Variants in UBE2C observed in about 807,000 individuals in gnomAD.
UBE2C encodes the protein ubiquitin-conjugating enzyme E2 C.
A neutral mutation model predicts 23.5 loss-of-function variants in UBE2C; 16 were observed. The observed-to-expected ratio is 0.68, with a 90% confidence interval of 0.46 to 1.03. UBE2C has a LOEUF of 1.03. Ranked by LOEUF, UBE2C falls within the 50% of genes least tolerant of loss-of-function variation. UBE2C has a pLI of 0.00. For synonymous variants in UBE2C, 76 were observed against 91.6 expected (o/e 0.83, Z 0.97); for missense variants, 192 against 227.6 (o/e 0.84, Z 1.01).
rs1193605414 is a variant in UBE2C at position 45,816,888 on chromosome 20, GT to G, written c.*122del. ...GCTGTGGTATTTTTGTTTTGTTTTT[GT>G]CTTTTAAATTAAGCCTCGGTTGAGC... On this transcript the variant is annotated 3_prime_UTR_variant, in exon 6 of 6. Coordinates refer to ENST00000356455, the MANE Select transcript of UBE2C (RefSeq NM_007019.4). 119 of 873,072 alleles carry G rather than the reference GT, an allele frequency of 1.4e-4. No homozygotes were observed. The highest frequency in any genetic ancestry group is 1.8e-4 in the Non-Finnish European group (105 of 584,116). The allele number at this position is 873,072 out of a possible 1,614,324, so 54.1% of individuals were successfully genotyped here. A position where few individuals can be genotyped will look rare whatever the true frequency, so the allele number is the denominator to read the frequency against.
chr20:45,812,852 C>G, intron 1 of UBE2C, 56 bp downstream of exon 1: 2 of 1,509,954 alleles, frequency 1.3e-6, no homozygotes, highest in Non-Finnish European at 1.8e-6. Context: ...CATTGGTACC[C>G]AGAGCAAAGA....
intron 1 of UBE2C, 78 bp downstream of exon 1, chr20:45,812,874 AC>A: frequency 6.1e-6 from 9 of 1,467,694 alleles, no homozygotes; most frequent in Admixed American, 2.4e-5. Context: ...TTCTAGGACC[AC>A]CCCCCGCCGC....
At chr20:45,814,721 A>G (rs1383986659) in intron 3 of UBE2C, among the ~76,000 whole-genome samples, 1 of 152,276 alleles carries the variant, frequency 6.6e-6, no homozygotes, top group Non-Finnish European at 1.5e-5. Flanking sequence ...ACTTTGGCCA[A>G]TAGGGCCAGA....
intron 2 of UBE2C, 113 bp from the exon 3 acceptor site, chr20:45,814,271 C>CAT (rs3080107): frequency 0.026 from 10,322 of 390,098 alleles, 684 homozygotes; most frequent in African/African-American, 0.14. Flanking sequence ...TGTATGTGAG[C>CAT]ATATATATAT....
chr20:45,814,932 G>A (rs921552723), intron 3 of UBE2C, among the ~76,000 whole-genome samples: 4 of 106,880 alleles, frequency 3.7e-5, no homozygotes, highest in Admixed American at 9.1e-5. Flanking sequence ...TCCGCTTCCC[G>A]GGTTCACGCC....
chr20:45,813,500 T>A (rs762229161), intron 2 of UBE2C, 36 bp downstream of exon 2: 3 of 1,614,028 alleles, frequency 1.9e-6, no homozygotes, highest in Non-Finnish European at 2.5e-6. Context: ...CAGCCTTCCA[T>A]CCAATTTTCA....
At chr20:45,816,285 CCCTCCTCCA>C (rs1442538595) in intron 5 of UBE2C, among the ~76,000 whole-genome samples, 2 of 152,186 alleles carry the variant, frequency 1.3e-5, no homozygotes, top group African/African-American at 2.4e-5. Flanking sequence ...GGAAACCAGC[CCCTCCTCCA>C]CCTCCTCCGA....
chr20:45,815,599 A>G lies in UBE2C; in HGVS notation c.275A>G (p.Asn92Ser), dbSNP rs758135325. Residue 92 changes from asparagine to serine, a missense_variant, in exon 4 of 6, where the codon AAT becomes AGT. Asn to Ser is a conservative substitution (Grantham distance 46). Coordinates refer to ENST00000356455, the MANE Select transcript of UBE2C (RefSeq NM_007019.4). ...SLEFPSGYPYNAPTVKFLTPC... is the reference protein window; with the variant it reads ...SLEFPSGYPYSAPTVKFLTPC... ...GAGTTCCCCAGTGGCTACCCTTACA[A>G]TGCGCCCACAGTGAAGTTCCTCACG... is the stretch of plus-strand genomic sequence containing the variant. The G allele has an allele frequency of 9.3e-6, 15 of 1,613,926 alleles. No homozygotes were observed. Among genetic ancestry groups the G allele is most frequent in the African/African-American group, 2.7e-5 (2 of 74,874 alleles).
At position 45,816,769 on chromosome 20, in the gene UBE2C, C is replaced by T. The variant is rs781461068; in HGVS notation, c.*2C>T. 9 of 1,612,880 alleles carry T rather than the reference C, an allele frequency of 5.6e-6. No homozygotes were observed. Among genetic ancestry groups the T allele is most frequent in the Non-Finnish European group, 1.7e-6 (2 of 1,179,520 alleles). The stretch of plus-strand genomic sequence containing the variant: ...CAGGTCACCAGCCAGGAGCCCTGAC[C>T]CAGGCTGCCCAGCCTGTCCTTGTGT... On this transcript the variant is annotated 3_prime_UTR_variant, in exon 6 of 6. Transcript: ENST00000356455.
At chr20:45,813,961 C>T (rs1982184510) in intron 2 of UBE2C, among the ~76,000 whole-genome samples, 1 of 151,754 alleles carries the variant, frequency 6.6e-6, no homozygotes, top group Non-Finnish European at 1.5e-5. Flanking sequence ...AAAAATTATC[C>T]AGGCATGGTG....
chr20:45,815,489 G>T (rs201934862), intron 3 of UBE2C, 52 bp from the exon 4 acceptor site: 2 of 1,614,164 alleles, frequency 1.2e-6, no homozygotes, highest in African/African-American at 2.7e-5. Context: ...CTTGGGTTGG[G>T]ACATGAGGCT....
chr20:45,814,165 AAT>A (rs1167275770), intron 2 of UBE2C, among the ~76,000 whole-genome samples: 2 of 142,446 alleles, frequency 1.4e-5, no homozygotes, highest in Non-Finnish European at 3.0e-5. Flanking sequence ...TATATATGTA[AAT>A]ATATATTTTT....
At chr20:45,813,007 G>T in intron 1 of UBE2C, 2 of 1,429,200 alleles carry the variant, frequency 1.4e-6, no homozygotes, top group Non-Finnish European at 1.8e-6. Flanking sequence ...CCTTGCGCGG[G>T]TGAGATTCGA....
intron 2 of UBE2C, among the ~76,000 whole-genome samples, chr20:45,814,128 A>ATC (rs10644383): frequency 0.51 from 72,398 of 140,776 alleles, 21,888 homozygotes; most frequent in Non-Finnish European, 0.67. Flanking sequence ...CTCTCTCTCA[A>ATC]TCTCTCTCTC....
chr20:45,813,076 G>A, intron 1 of UBE2C: 1 of 1,404,834 alleles, frequency 7.1e-7, no homozygotes, highest in South Asian at 1.6e-5. Context: ...GAAGGAGAAT[G>A]GGAGGGTAGG....
At chr20:45,813,098 A>ACTC in intron 1 of UBE2C, 1 of 1,390,632 alleles carries the variant, frequency 7.2e-7, no homozygotes, top group Non-Finnish European at 9.3e-7. Flanking sequence ...GCGCTGCCAG[A>ACTC]CTCCTTCCCT....
In UBE2C at chr20:45,812,688, C is replaced by G; in HGVS notation, c.-8C>G. On this transcript the variant is annotated 5_prime_UTR_variant, in exon 1 of 6. Transcript: ENST00000356455. ...CCGAGTTCCTGTCTCTCTGCCAACG[C>G]CGCCCGGATGGCTTCCCAAAACCGC... 2.6e-6 allele frequency: 4 copies of G among 1,551,050 alleles called. No individual in the cohort carries two copies. Among genetic ancestry groups the G allele is most frequent in the Non-Finnish European group, 2.6e-6 (3 of 1,147,006 alleles).
chr20:45,813,510 A>G lies in UBE2C; in HGVS notation c.129+46A>G, dbSNP rs199761445. The G allele has an allele frequency of 1.2e-4, 198 of 1,613,738 alleles. 1 individual carries two copies. The East Asian group carries it at 3.5e-3, about 28-fold the overall frequency. On this transcript the variant is annotated intron_variant, in intron 2 of 5. Coordinates refer to ENST00000356455, the MANE Select transcript of UBE2C (RefSeq NM_007019.4). ...AACCCCAGCCTTCCATCCAATTTTC[A>G]GTAGCCTCCTTTTTTCCGTCAGCTT...
rs533548690 is a variant in UBE2C at position 45,814,307 on chromosome 20, A to G, written c.130-77A>G. The G allele has an allele frequency of 3.8e-3, 2,355 of 621,272 alleles. 63 individuals are homozygous for G. Among genetic ancestry groups the G allele is most frequent in the Non-Finnish European group, 5.3e-3 (2,040 of 387,550 alleles). 38.5% of individuals were successfully genotyped at this position (621,272 alleles called of 1,614,324 possible). A position where few individuals can be genotyped will look rare whatever the true frequency, so the allele number is the denominator to read the frequency against. On this transcript the variant is annotated intron_variant, in intron 2 of 5. Transcript: ENST00000356455. ...ATATATATATATATATATAAAATTA[A>G]GGGGAAAGCTCACCCACTGACCTTT...
Sources: gnomAD v4.1 joint callset for allele counts (sites outside exome capture counted in the v4.1 genomes callset) on GRCh38, gnomAD v4.1.1 for gene constraint, MANE v1.5 for transcripts, NCBI Gene and HGNC (gene_info 2026-07-23, HGNC 2026-07-21) for gene names.